RPS6KB1: variants seen among roughly 807,000 people sequenced by gnomAD.
RPS6KB1 encodes ribosomal protein S6 kinase B1.
In RPS6KB1, 12 loss-of-function variants were observed where a neutral mutation model predicts 70.2. The observed-to-expected ratio is 0.17, with a 90% CI of 0.11 to 0.28. The LOEUF (loss-of-function observed/expected upper bound fraction) is 0.28. RPS6KB1 is among the 10% of genes least tolerant of loss of function. The probability of loss-of-function intolerance (pLI) is 1.00; values close to 1 mark genes in which losing one functional copy is unlikely to be tolerated. For synonymous variants in RPS6KB1, 175 were observed against 211.2 expected (o/e 0.83, Z 1.49); for missense variants, 270 against 646.6 (o/e 0.42, Z 6.32).
intron 1 of RPS6KB1, among the ~76,000 whole-genome samples, chr17:59,908,899 T>G (rs1422131699): frequency 5.7e-5 from 8 of 139,872 alleles, no homozygotes; most frequent in Non-Finnish European, 1.2e-4. Context: ...ATTACAAGCG[T>G]GAGCCACCGC....
chr17:59,946,073 A>T lies in RPS6KB1; in HGVS notation c.1341-478A>T, dbSNP rs570398251. Among the ~76,000 whole-genome samples the T allele has an allele frequency of 2.6e-5, 4 of 152,268 alleles. No homozygotes were observed. The highest frequency in any genetic ancestry group is 9.6e-5 in the African/African-American group (4 of 41,552). On this transcript the variant is annotated intron_variant, in intron 14 of 14. Coordinates refer to ENST00000225577, the MANE Select transcript of RPS6KB1 (RefSeq NM_003161.4). This position sits in a 1 kb window ranked among gnomAD's most constrained non-coding sequence, Gnocchi z 4.2. ...GCAGTGAACGGAAAGAGCCAGCCCT[A>T]CAAAAATAGGAGGTATAAGAATGTT... is the stretch of plus-strand genomic sequence containing the variant.
intron 4 of RPS6KB1, among the ~76,000 whole-genome samples, chr17:59,925,942 A>C (rs2043579785): frequency 6.6e-6 from 1 of 151,978 alleles, no homozygotes. Flanking sequence ...CACCACGTCC[A>C]GGCCACATTT....
chr17:59,905,973 G>A (rs140574485), intron 1 of RPS6KB1, among the ~76,000 whole-genome samples: 225 of 152,106 alleles, frequency 1.5e-3, no homozygotes, highest in African/African-American at 5.1e-3. Flanking sequence ...TATAGTTTTA[G>A]CTCCTGTATT....
At chr17:59,910,298 C>T (rs998361323) in intron 1 of RPS6KB1, among the ~76,000 whole-genome samples, 3 of 151,926 alleles carry the variant, frequency 2.0e-5, no homozygotes, top group African/African-American at 7.3e-5. Context: ...ATGATCATAC[C>T]CCTTCATAGC....
chr17:59,914,147 A>G (rs1171767410), intron 3 of RPS6KB1, among the ~76,000 whole-genome samples: 2 of 152,216 alleles, frequency 1.3e-5, no homozygotes, highest in Non-Finnish European at 2.9e-5. Flanking sequence ...TAATAGGTAA[A>G]CAGTAATTTC....
intron 12 of RPS6KB1, among the ~76,000 whole-genome samples, chr17:59,939,159 T>C (rs1459826162): frequency 6.6e-6 from 1 of 152,150 alleles, no homozygotes; most frequent in Non-Finnish European, 1.5e-5. Context: ...CCCTAGCATC[T>C]TCCAGAATTG....
In RPS6KB1 at chr17:59,893,174, G is replaced by A. The variant is rs749717947; in HGVS notation, c.-11G>A. On this transcript the variant is annotated 5_prime_UTR_variant, in exon 1 of 15. Transcript: ENST00000225577. This position sits in a 1 kb window ranked among gnomAD's most constrained non-coding sequence, Gnocchi z 4.1. ...GGCAGCGGCTGTGGTGGCTGCGGCG[G>A]GTCCGGGCCCATGAGGCGACGAAGG... The A allele has an allele frequency of 5.3e-5, 83 of 1,570,172 alleles. No individual in the cohort carries two copies. The highest frequency in any genetic ancestry group is 6.4e-5 in the Non-Finnish European group (74 of 1,158,052).
intron 2 of RPS6KB1, among the ~76,000 whole-genome samples, chr17:59,911,033 A>G (rs9910152): frequency 0.05 from 7,615 of 152,310 alleles, 595 homozygotes; most frequent in African/African-American, 0.17. Context: ...CTGTAATCCC[A>G]GCAGTTTGGG....
chr17:59,949,568 A>ATT lies in RPS6KB1; in HGVS notation c.*2781_*2782insTT, dbSNP rs2045105532. 3 of 152,570 alleles carry ATT rather than the reference A, an allele frequency of 2.0e-5. No homozygotes were observed. Among genetic ancestry groups the ATT allele is most frequent in the Non-Finnish European group, 4.4e-5 (3 of 67,976 alleles). 9.5% of individuals were successfully genotyped at this position (152,570 alleles called of 1,614,324 possible). A position where few individuals can be genotyped will look rare whatever the true frequency, so the allele number is the denominator to read the frequency against. On this transcript the variant is annotated 3_prime_UTR_variant, in exon 15 of 15. Coordinates refer to ENST00000225577, the MANE Select transcript of RPS6KB1 (RefSeq NM_003161.4). Reference sequence around the variant, plus strand: ...TTTATAAGGTTTGTAGCATTACAGAATAACTAAACTGGGATTTATAAACCA... The same window carrying ATT: ...TTTATAAGGTTTGTAGCATTACAGAATTTAACTAAACTGGGATTTATAAACCA...
intron 12 of RPS6KB1, 91 bp downstream of exon 12, chr17:59,936,632 G>T: frequency 2.9e-6 from 3 of 1,035,562 alleles, no homozygotes; most frequent in Non-Finnish European, 4.5e-6. Flanking sequence ...GATTGTTTGA[G>T]GCCAGGAGTT....
intron 1 of RPS6KB1, among the ~76,000 whole-genome samples, chr17:59,901,086 G>A (rs1295371596): frequency 6.6e-6 from 1 of 151,626 alleles, no homozygotes; most frequent in East Asian, 2.0e-4. Flanking sequence ...ACTTGAACTT[G>A]GGAGGTGGAG....
chr17:59,939,919 A>T (rs1422685086), intron 12 of RPS6KB1, among the ~76,000 whole-genome samples: 1 of 152,222 alleles, frequency 6.6e-6, no homozygotes, highest in Non-Finnish European at 1.5e-5. Flanking sequence ...TTTGGGAAAG[A>T]GAGAAGGAAT....
chr17:59,927,905 A>T (rs1327607873), intron 5 of RPS6KB1, among the ~76,000 whole-genome samples: 2 of 150,024 alleles, frequency 1.3e-5, no homozygotes, highest in Non-Finnish European at 3.0e-5. Flanking sequence ...CATGCCTGTA[A>T]TCCCAGCACT....
At chr17:59,944,850 A>G (rs890592166) in intron 13 of RPS6KB1, among the ~76,000 whole-genome samples, 8 of 149,098 alleles carry the variant, frequency 5.4e-5, no homozygotes, top group African/African-American at 1.2e-4. Context: ...CCAGGCTAGA[A>G]TGCAGTGGTG....
chr17:59,936,431 C>G lies in RPS6KB1; in HGVS notation c.1042-33C>G, dbSNP rs1458360632. 1.9e-6 allele frequency: 3 copies of G among 1,592,594 alleles called. No homozygotes were observed. The Admixed American group carries it at 5.0e-5, about 27-fold the overall frequency. On this transcript the variant is annotated intron_variant, in intron 11 of 14. Coordinates refer to ENST00000225577, the MANE Select transcript of RPS6KB1 (RefSeq NM_003161.4). Reference sequence around the variant, plus strand: ...TTATCAATCCAGCAAAGTCTAGTCCCCTCAACTTTTCTTCCTGCTTTTTTT... The same window carrying G: ...TTATCAATCCAGCAAAGTCTAGTCCGCTCAACTTTTCTTCCTGCTTTTTTT...
chr17:59,940,786 A>T, intron 12 of RPS6KB1, 50 bp from the exon 13 acceptor site: 1 of 1,146,890 alleles, frequency 8.7e-7, no homozygotes, highest in Non-Finnish European at 1.3e-6. Context: ...CATTTGATTG[A>T]TGTAACATGG....
Position 59,924,363 on chromosome 17 carries a change from C to A in RPS6KB1, c.382-2072C>A, listed in dbSNP as rs1172243827. Among the ~76,000 whole-genome samples the A allele has an allele frequency of 3.9e-5, 6 of 152,060 alleles. No homozygotes were observed. In the East Asian group the frequency reaches 1.2e-3, roughly 29 times the overall value. ...AATCTTTTTCTCCTATATCTTTTTT[C>A]TCTTTCTCTTTCTGTGGTAAAGTTA... On this transcript the variant is annotated intron_variant, in intron 4 of 14. Coordinates refer to ENST00000225577, the MANE Select transcript of RPS6KB1 (RefSeq NM_003161.4).
intron 5 of RPS6KB1, among the ~76,000 whole-genome samples, chr17:59,927,310 C>G (rs2144927840): frequency 6.6e-6 from 1 of 151,782 alleles, no homozygotes; most frequent in East Asian, 2.0e-4. Context: ...TCTCGAACTC[C>G]CGACTTCAGG....
intron 2 of RPS6KB1, 111 bp from the exon 3 acceptor site, chr17:59,912,573 T>G: frequency 8.9e-7 from 1 of 1,126,030 alleles, no homozygotes; most frequent in Middle Eastern, 2.2e-4. Flanking sequence ...TCATGTACTT[T>G]TTTACTTTTA....
Sources: allele counts gnomAD v4.1 joint callset (sites outside exome capture counted in the v4.1 genomes callset), GRCh38; gene constraint gnomAD v4.1.1; non-coding constraint Gnocchi (gnomAD v3.1); transcripts MANE v1.5; gene names NCBI Gene and HGNC (gene_info 2026-07-23, HGNC 2026-07-21).